NRG1: variants seen among roughly 807,000 people sequenced by gnomAD.
NRG1 encodes neuregulin 1.
NRG1 carries 18 observed loss-of-function variants against 63.8 expected under a neutral mutation model. That is an observed-to-expected ratio of 0.28 (90% CI 0.19 to 0.42). The LOEUF (loss-of-function observed/expected upper bound fraction) is 0.42. Among genes scored for constraint, NRG1 ranks in the 10% least tolerant of loss-of-function variants. NRG1 has a pLI of 1.00. For synonymous variants in NRG1, 302 were observed against 301.3 expected (o/e 1.00, Z -0.02); for missense variants, 762 against 814.7 (o/e 0.94, Z 0.79).
chr8:32,699,602 T>G (rs1257119968), intron 5 of NRG1, among the ~76,000 whole-genome samples: 3 of 152,358 alleles, frequency 2.0e-5, no homozygotes, highest in Admixed American at 6.5e-5. Flanking sequence ...GCTTCAAACA[T>G]AGGAGAACAA....
exon 1 of NRG1, chr8:32,548,526 C>G (rs1425710013): frequency 8.0e-7 from 1 of 1,244,842 alleles, no homozygotes; most frequent in Admixed American, 4.4e-5. Context: ...AGCGCCCGTT[C>G]CAGGTGGCCG....
At chr8:32,363,763 C>A (rs1443824400) in intron 1 of NRG1, among the ~76,000 whole-genome samples, 1 of 151,590 alleles carries the variant, frequency 6.6e-6, no homozygotes, top group African/African-American at 2.4e-5. Flanking sequence ...TCAGAATAGT[C>A]GAAAACTTTA....
rs1236872108 is a variant in NRG1, at chr8:32,742,832, A to C, written c.691+99A>C. ...CTCCCCTCAGATTCCACCTAGAGCT[A>C]GATGTGTCTTACCAGATCTAATATT... On this transcript the variant is annotated intron_variant, in intron 7 of 11. Coordinates refer to ENST00000356819, the Ensembl canonical transcript of NRG1. The surrounding 1 kb of genome is among the most constrained non-coding windows in gnomAD (Gnocchi z 4.2). 15 of 1,610,678 alleles carry C rather than the reference A, an allele frequency of 9.3e-6. No individual in the cohort carries two copies. The highest frequency in any genetic ancestry group is 3.3e-5 in the Admixed American group (2 of 59,888).
chr8:32,349,271 G>A (rs1805291088), intron 1 of NRG1, among the ~76,000 whole-genome samples: 1 of 152,176 alleles, frequency 6.6e-6, no homozygotes, highest in African/African-American at 2.4e-5. Flanking sequence ...ATATATCTTG[G>A]CAGACTACAT....
intron 1 of NRG1, among the ~76,000 whole-genome samples, chr8:31,976,943 A>C (rs1808293014): frequency 6.6e-6 from 1 of 152,188 alleles, no homozygotes; most frequent in South Asian, 2.1e-4. Context: ...GAGACATATT[A>C]TTACTTATGA....
Position 32,672,593 on chromosome 8 carries a change from G to A in NRG1, c.503-55356G>A, listed in dbSNP as rs146150830. 3.2e-3 allele frequency among the ~76,000 whole-genome samples: 483 copies of A among 152,188 alleles called. 3 individuals are homozygous for A. The highest frequency in any genetic ancestry group is 0.011 in the African/African-American group (450 of 41,516). The stretch of plus-strand genomic sequence containing the variant: ...ACATGTTATGATATTCTGTAGAATG[G>A]ATATTATTGTAGCCAAAAAATTAAT... On this transcript the variant is annotated intron_variant, in intron 5 of 11. Coordinates refer to ENST00000356819, the Ensembl canonical transcript of NRG1.
rs1252075449 is a variant in NRG1 at position 32,011,098 on chromosome 8, A to G, written c.37+371667A>G. Among the ~76,000 whole-genome samples the G allele has an allele frequency of 2.0e-5, 3 of 152,112 alleles. No homozygotes were observed. The East Asian group carries it at 5.8e-4, about 29-fold the overall frequency. ...ATGAATGGTGGGAAATGGCAGACAC[A>G]TTACACATAAACATTGTTTTGTTAT... On this transcript the variant is annotated intron_variant, in intron 1 of 10. Transcript: ENST00000519301.
chr8:32,581,113 A>G (rs1840559441), intron 1 of NRG1, among the ~76,000 whole-genome samples: 1 of 152,212 alleles, frequency 6.6e-6, no homozygotes, highest in Non-Finnish European at 1.5e-5. Context: ...CTCCAGGAGA[A>G]CAAGGATCTT....
intron 11 of NRG1, among the ~76,000 whole-genome samples, chr8:32,762,380 AT>A (rs1462439316): frequency 1.3e-5 from 2 of 152,190 alleles, no homozygotes; most frequent in African/African-American, 4.8e-5. Context: ...TCTAGATGAT[AT>A]CTAGGACTAC....
chr8:32,205,508 G>C (rs1387244083), intron 1 of NRG1, among the ~76,000 whole-genome samples: 1 of 152,070 alleles, frequency 6.6e-6, no homozygotes, highest in Non-Finnish European at 1.5e-5. Flanking sequence ...CCAAAATCCT[G>C]CTCTTTTACT....
At chr8:32,209,804 A>C (rs1324960786) in intron 1 of NRG1, among the ~76,000 whole-genome samples, 5 of 147,372 alleles carry the variant, frequency 3.4e-5, no homozygotes, top group Non-Finnish European at 7.4e-5. Context: ...ATGGTAAGTT[A>C]CATTAGAGGA....
At chr8:32,227,377 T>C (rs534390801) in intron 1 of NRG1, among the ~76,000 whole-genome samples, 2 of 152,326 alleles carry the variant, frequency 1.3e-5, no homozygotes, top group South Asian at 4.1e-4. Flanking sequence ...AGGTAAAATA[T>C]GCTAAGTAGT....
At chr8:31,992,129 G>A (rs918614506) in intron 1 of NRG1, among the ~76,000 whole-genome samples, 2 of 151,740 alleles carry the variant, frequency 1.3e-5, no homozygotes, top group African/African-American at 4.8e-5. Flanking sequence ...GAGGCCAGGA[G>A]TTCAAGACCA....
intron 1 of NRG1, among the ~76,000 whole-genome samples, chr8:32,396,629 A>G (rs1447804031): frequency 6.6e-6 from 1 of 151,956 alleles, no homozygotes. Context: ...TGTATTTTTA[A>G]TAGCAATGGG....
chr8:31,917,796 C>T (rs1833534878), intron 1 of NRG1, among the ~76,000 whole-genome samples: 1 of 152,090 alleles, frequency 6.6e-6, no homozygotes, highest in Non-Finnish European at 1.5e-5. Context: ...TTACCTTGGG[C>T]AGTATGGCCA....
intron 1 of NRG1, among the ~76,000 whole-genome samples, chr8:31,838,186 A>G (rs1825862290): frequency 6.6e-6 from 1 of 152,106 alleles, no homozygotes; most frequent in Non-Finnish European, 1.5e-5. Context: ...TATGACTCAG[A>G]CATCATTTAT....
At chr8:32,494,014 T>G (rs897625521) in intron 1 of NRG1, among the ~76,000 whole-genome samples, 2 of 152,216 alleles carry the variant, frequency 1.3e-5, no homozygotes, top group African/African-American at 4.8e-5. Flanking sequence ...AGCAGTCACC[T>G]CACTTGGTAA....
intron 5 of NRG1, among the ~76,000 whole-genome samples, chr8:32,650,486 T>A (rs1422941375): frequency 6.6e-6 from 1 of 151,956 alleles, no homozygotes; most frequent in East Asian, 1.9e-4. Context: ...AAACATCAAA[T>A]CTTGTATTGT....
At chr8:32,481,855 A>C (rs2347492) in intron 1 of NRG1, among the ~76,000 whole-genome samples, 94,742 of 152,030 alleles carry the variant, frequency 0.62, 29,764 homozygotes, top group East Asian at 0.79. Flanking sequence ...ACATCAAGTG[A>C]ATGGTGCCAG....
Sources: allele counts gnomAD v4.1 joint callset (sites outside exome capture counted in the v4.1 genomes callset), GRCh38; gene constraint gnomAD v4.1.1; non-coding constraint Gnocchi (gnomAD v3.1); transcripts MANE v1.5; gene names NCBI Gene and HGNC (gene_info 2026-07-23, HGNC 2026-07-21).